Variants in MACROD2 observed in about 807,000 individuals in gnomAD.
MACROD2 encodes mono-ADP ribosylhydrolase 2.
MACROD2 carries 36 observed loss-of-function variants against 70.4 expected under a neutral mutation model. The ratio of observed to expected loss-of-function variants is 0.51; its 90% CI spans 0.39 to 0.68. The LOEUF is 0.68. MACROD2 is among the 30% of genes least tolerant of loss of function. MACROD2 has a pLI of 0.00. For missense variants in MACROD2, 496 were observed against 538.4 expected (o/e 0.92, Z 0.78); for synonymous variants, 172 against 178.8 (o/e 0.96, Z 0.30).
At chr20:14,045,787 A>G (rs1327804746) in intron 2 of MACROD2, among the ~76,000 whole-genome samples, 1 of 152,218 alleles carries the variant, frequency 6.6e-6, no homozygotes, top group Non-Finnish European at 1.5e-5. Context: ...GGAATTAAAA[A>G]CATGAGCAGG....
chr20:15,766,707 T>C (rs2051531987), intron 8 of MACROD2, among the ~76,000 whole-genome samples: 1 of 152,226 alleles, frequency 6.6e-6, no homozygotes, highest in South Asian at 2.1e-4. Flanking sequence ...AGACGATCGA[T>C]GGCGATGATG....
Position 15,388,332 on chromosome 20 carries a change from G to A in MACROD2, c.541-43073G>A, listed in dbSNP as rs183548454. Among the ~76,000 whole-genome samples the A allele has an allele frequency of 3.1e-3, 465 of 152,198 alleles. 3 individuals are homozygous for A. The highest frequency in any genetic ancestry group is 0.01 in the Admixed American group (155 of 15,274). On this transcript the variant is annotated intron_variant, in intron 6 of 17. Transcript: ENST00000684519. The stretch of plus-strand genomic sequence containing the variant: ...ACACCAAGATGTTTTGGTCTGGAAC[G>A]TGGATTTCAGGTCCTTATGCTGATC...
chr20:14,475,723 T>C (rs2084585289), intron 3 of MACROD2, among the ~76,000 whole-genome samples: 1 of 152,168 alleles, frequency 6.6e-6, no homozygotes, highest in Non-Finnish European at 1.5e-5. Context: ...CCACTCCCTT[T>C]GGGCCTACAA....
chr20:14,707,078 A>G (rs1430816667), intron 5 of MACROD2, among the ~76,000 whole-genome samples: 1 of 152,184 alleles, frequency 6.6e-6, no homozygotes, highest in African/African-American at 2.4e-5. Context: ...TTGAAAGAAC[A>G]GGATCCCAGA....
intron 4 of MACROD2, among the ~76,000 whole-genome samples, chr20:14,520,232 G>T (rs1396985694): frequency 6.6e-6 from 1 of 152,064 alleles, no homozygotes; most frequent in Non-Finnish European, 1.5e-5. Context: ...TTTTTTAAGT[G>T]CACAAACTAG....
chr20:15,575,954 TCTTTA>T (rs2048441888), intron 8 of MACROD2, among the ~76,000 whole-genome samples: 1 of 152,228 alleles, frequency 6.6e-6, no homozygotes, highest in Non-Finnish European at 1.5e-5. Flanking sequence ...ATTTGCTCTA[TCTTTA>T]CTTTTAAAAT....
intron 2 of MACROD2, among the ~76,000 whole-genome samples, chr20:14,034,863 G>A (rs2053288915): frequency 6.6e-6 from 1 of 152,040 alleles, no homozygotes; most frequent in South Asian, 2.1e-4. Flanking sequence ...TTAATCATAT[G>A]TATTGCAGAT....
intron 8 of MACROD2, among the ~76,000 whole-genome samples, chr20:15,599,980 G>C (rs2048797394): frequency 1.3e-5 from 2 of 152,172 alleles, no homozygotes; most frequent in Admixed American, 1.3e-4. Flanking sequence ...ACCTGAGAAA[G>C]ATCTCAAAGA....
At chr20:14,642,043 TGTTA>T (rs1194360680) in intron 4 of MACROD2, among the ~76,000 whole-genome samples, 41 of 152,252 alleles carry the variant, frequency 2.7e-4, no homozygotes, top group African/African-American at 8.9e-4. Flanking sequence ...ATTGAAAATC[TGTTA>T]GTTAGCGTAG....
intron 5 of MACROD2, among the ~76,000 whole-genome samples, chr20:14,716,556 C>T (rs544601729): frequency 1.3e-5 from 2 of 152,258 alleles, no homozygotes; most frequent in South Asian, 4.1e-4. Context: ...CACCGTGGTT[C>T]TTTTCCCTCC....
At chr20:14,007,381 C>T (rs1234860603) in intron 2 of MACROD2, among the ~76,000 whole-genome samples, 2 of 151,966 alleles carry the variant, frequency 1.3e-5, no homozygotes, top group Admixed American at 6.6e-5. Flanking sequence ...TCCTTCTCTC[C>T]TCTTCTCTGT....
intron 3 of MACROD2, among the ~76,000 whole-genome samples, chr20:14,271,557 A>G (rs1275889382): frequency 1.3e-5 from 2 of 151,748 alleles, no homozygotes; most frequent in Non-Finnish European, 2.9e-5. Flanking sequence ...AACAGAGCAG[A>G]AAAACTGGAA....
At chr20:15,761,827 C>A (rs536408852) in intron 8 of MACROD2, among the ~76,000 whole-genome samples, 1 of 152,336 alleles carries the variant, frequency 6.6e-6, no homozygotes, top group South Asian at 2.1e-4. Context: ...AGCAAAGCAA[C>A]TCATTTTCCC....
intron 3 of MACROD2, among the ~76,000 whole-genome samples, chr20:14,390,683 A>G (rs2083517084): frequency 6.6e-6 from 1 of 152,240 alleles, no homozygotes; most frequent in Non-Finnish European, 1.5e-5. Flanking sequence ...ATAACTGACT[A>G]GCCATATACA....
intron 5 of MACROD2, among the ~76,000 whole-genome samples, chr20:15,124,043 T>C (rs2076049130): frequency 6.6e-6 from 1 of 152,196 alleles, no homozygotes; most frequent in African/African-American, 2.4e-5. Flanking sequence ...ACTGATTATT[T>C]TCTGTGTTTG....
intron 5 of MACROD2, among the ~76,000 whole-genome samples, chr20:15,129,727 A>T (rs2076091513): frequency 6.6e-6 from 1 of 152,016 alleles, no homozygotes; most frequent in African/African-American, 2.4e-5. Flanking sequence ...TTTGCTTGTA[A>T]CTTTAATTTA....
At chr20:15,391,399 G>A (rs2045790011) in intron 6 of MACROD2, among the ~76,000 whole-genome samples, 1 of 152,234 alleles carries the variant, frequency 6.6e-6, no homozygotes, top group African/African-American at 2.4e-5. Context: ...AGCCAAGTTA[G>A]TATTTTTAGT....
chr20:14,119,921 A>G (rs1833526225), intron 3 of MACROD2, among the ~76,000 whole-genome samples: 1 of 152,146 alleles, frequency 6.6e-6, no homozygotes, highest in Non-Finnish European at 1.5e-5. Flanking sequence ...GAAAGAAGAC[A>G]TTTAAGGCCA....
chr20:14,089,992 A>T (rs975465414), intron 3 of MACROD2, among the ~76,000 whole-genome samples: 4 of 152,184 alleles, frequency 2.6e-5, no homozygotes, highest in Admixed American at 2.6e-4. Flanking sequence ...GGTAATGAGC[A>T]TAGTACTCAA....
Sources: gnomAD v4.1 joint callset for allele counts (sites outside exome capture counted in the v4.1 genomes callset) on GRCh38, gnomAD v4.1.1 for gene constraint, MANE v1.5 for transcripts, NCBI Gene and HGNC (gene_info 2026-07-23, HGNC 2026-07-21) for gene names.